BFSP2: variants seen among roughly 807,000 people sequenced by gnomAD.
BFSP2 encodes the protein beaded filament structural protein 2.
Under a neutral mutation model 44.9 loss-of-function variants are expected in BFSP2, and 38 were observed. That is an observed-to-expected ratio of 0.85 (90% CI 0.65 to 1.11). The LOEUF (loss-of-function observed/expected upper bound fraction) is 1.11. Among genes scored for constraint, BFSP2 ranks in the 50% least tolerant of loss-of-function variants. BFSP2 has a pLI of 0.00. For missense variants in BFSP2, 525 were observed against 533.0 expected (o/e 0.99, Z 0.15); for synonymous variants, 197 against 209.9 (o/e 0.94, Z 0.53).
rs190941060 is a variant in BFSP2, at chr3:133,472,333, G to T, written c.1024-12G>T. 6.2e-6 allele frequency: 10 copies of T among 1,606,392 alleles called. No homozygotes were observed. The highest frequency in any genetic ancestry group is 1.1e-5 in the South Asian group (1 of 90,630). Reference sequence around the variant, plus strand: ...TTGTCCTCGGGTTTGGACCGGGTTCGCTCTTTTGTAGAAACGAGGCCTGGA... The same window carrying T: ...TTGTCCTCGGGTTTGGACCGGGTTCTCTCTTTTGTAGAAACGAGGCCTGGA... On this transcript the variant is annotated splice_polypyrimidine_tract_variant and intron_variant, in intron 5 of 6. Transcript: ENST00000302334.
chr3:133,421,836 T>C lies in BFSP2; in HGVS notation c.489+21264T>C, dbSNP rs1011932493. ...TTAAATTCCACATCCTGGCTGGGCG[T>C]GGTGGCTCACGCCCGTAATCCCAGC... On this transcript the variant is annotated intron_variant, in intron 1 of 6. Transcript: ENST00000302334. Among the ~76,000 whole-genome samples, 10 of 152,234 alleles carry C rather than the reference T, an allele frequency of 6.6e-5. No individual in the cohort carries two copies. The East Asian group carries it at 1.2e-3, about 18-fold the overall frequency.
intron 4 of BFSP2, among the ~76,000 whole-genome samples, chr3:133,460,622 C>T (rs969205568): frequency 6.6e-6 from 1 of 152,040 alleles, no homozygotes; most frequent in Non-Finnish European, 1.5e-5. Flanking sequence ...GGCCTTTGTC[C>T]CCGGGGGGCT....
intron 1 of BFSP2, among the ~76,000 whole-genome samples, chr3:133,436,874 C>T (rs1354603663): frequency 6.6e-6 from 1 of 152,144 alleles, no homozygotes; most frequent in Admixed American, 6.5e-5. Flanking sequence ...TCTGTCCTTG[C>T]AATAGTTTGC....
At chr3:133,426,007 AGGAAGGGAAGGGAAGG>A (rs2073650573) in intron 1 of BFSP2, among the ~76,000 whole-genome samples, 1 of 2,290 alleles carries the variant, frequency 4.4e-4, no homozygotes, top group African/African-American at 2.6e-3. Context: ...GGGCAGGGAA[AGGAAGGGAAGGGAAGG>A]GAAGGGAAGG....
At chr3:133,452,345 C>T (rs1269991878) in intron 4 of BFSP2, among the ~76,000 whole-genome samples, 2 of 152,194 alleles carry the variant, frequency 1.3e-5, no homozygotes, top group East Asian at 3.8e-4. Flanking sequence ...TCTCCAACCC[C>T]TACCCCGTTT....
At position 133,475,181 on chromosome 3, in the gene BFSP2, C is replaced by T. The variant is rs150374124; in HGVS notation, c.*209C>T. 1.1e-4 allele frequency: 77 copies of T among 676,246 alleles called. No individual in the cohort carries two copies. The East Asian group carries it at 2.0e-3, about 18-fold the overall frequency. 41.9% of individuals were successfully genotyped at this position (676,246 alleles called of 1,614,324 possible). ...TTGAGCAATCTCCCTTGTCCTCCTT[C>T]AAATAAATGCTTTGTGCGCAGCGTC... On this transcript the variant is annotated 3_prime_UTR_variant, in exon 7 of 7. Transcript: ENST00000302334.
chr3:133,473,385 TC>T (rs1263067931), intron 6 of BFSP2, among the ~76,000 whole-genome samples: 1 of 125,436 alleles, frequency 8.0e-6, no homozygotes, highest in South Asian at 2.7e-4. Context: ...CAGCCACAGA[TC>T]CAAACATCAC....
Position 133,450,417 on chromosome 3 carries a change from G to C in BFSP2, c.844G>C (p.Asp282His). Reference protein sequence around the residue: ...LETIRIQWERDVEKNRVEAGA... With the variant: ...LETIRIQWERHVEKNRVEAGA... ...GACGATCAGAATTCAGTGGGAGAGA[G>C]ATGTTGAAAAGAACCGGGTGGAGGC... The change falls in exon 4 of 7, where the codon GAT (aspartate) becomes CAT (histidine). Residue 282 changes from aspartate to histidine, a missense_variant. By Grantham distance (81) the Asp-to-His change is moderately conservative (BLOSUM62 -1). Coordinates refer to ENST00000302334, the MANE Select transcript of BFSP2 (RefSeq NM_003571.4). 6.2e-7 allele frequency: 1 copy of C among 1,614,124 alleles called. No individual in the cohort carries two copies. The highest frequency in any genetic ancestry group is 8.5e-7 in the Non-Finnish European group (1 of 1,180,004).
At chr3:133,434,239 T>C (rs2073758472) in intron 1 of BFSP2, among the ~76,000 whole-genome samples, 1 of 152,200 alleles carries the variant, frequency 6.6e-6, no homozygotes, top group Admixed American at 6.5e-5. Flanking sequence ...GTTTTTCTCC[T>C]TCTCTTATTC....
chr3:133,423,702 TA>T (rs915557864), intron 1 of BFSP2, among the ~76,000 whole-genome samples: 10 of 152,244 alleles, frequency 6.6e-5, no homozygotes, highest in Non-Finnish European at 1.3e-4. Flanking sequence ...CCCTTTGAGA[TA>T]GGGGTGTCCC....
chr3:133,473,438 CAAAAAA>C (rs748691333), intron 6 of BFSP2, among the ~76,000 whole-genome samples: 33 of 73,124 alleles, frequency 4.5e-4, no homozygotes, highest in South Asian at 2.2e-3. Flanking sequence ...GAGGCAGCAG[CAAAAAA>C]AAAAAAAAAA....
intron 1 of BFSP2, among the ~76,000 whole-genome samples, chr3:133,426,625 C>T (rs774042099): frequency 6.6e-6 from 1 of 152,212 alleles, no homozygotes; most frequent in Non-Finnish European, 1.5e-5. Flanking sequence ...GACAAGCCAT[C>T]AAACTTCCAT....
intron 1 of BFSP2, among the ~76,000 whole-genome samples, chr3:133,419,747 C>T (rs2073575883): frequency 6.6e-6 from 1 of 152,246 alleles, no homozygotes; most frequent in South Asian, 2.1e-4. Flanking sequence ...AGTTTAATAG[C>T]TTTGCTGCTG....
At chr3:133,441,524 T>C (rs928236221) in intron 1 of BFSP2, among the ~76,000 whole-genome samples, 10 of 152,038 alleles carry the variant, frequency 6.6e-5, no homozygotes, top group African/African-American at 2.2e-4. Context: ...GTTTTTGACT[T>C]GGGGGATGAG....
At chr3:133,465,555 A>G (rs1215999146) in intron 4 of BFSP2, among the ~76,000 whole-genome samples, 1 of 152,144 alleles carries the variant, frequency 6.6e-6, no homozygotes, top group African/African-American at 2.4e-5. Flanking sequence ...CCCTGAATAT[A>G]TGGGGAGGGA....
At chr3:133,429,829 T>C (rs2073691739) in intron 1 of BFSP2, 1 of 151,970 alleles carries the variant, frequency 6.6e-6, no homozygotes. Context: ...TATGTATACA[T>C]GTGCCATGTT....
chr3:133,414,624 G>C (rs575602145), intron 1 of BFSP2, among the ~76,000 whole-genome samples: 1 of 62,354 alleles, frequency 1.6e-5, no homozygotes, highest in Non-Finnish European at 3.0e-5. Flanking sequence ...CTGCCATCTC[G>C]TCTCTACTCA....
intron 1 of BFSP2, among the ~76,000 whole-genome samples, chr3:133,432,467 G>A (rs1376035652): frequency 1.3e-5 from 2 of 152,134 alleles, no homozygotes; most frequent in African/African-American, 4.8e-5. Context: ...CAGCTTACCT[G>A]GGCTGTGCTG....
intron 1 of BFSP2, among the ~76,000 whole-genome samples, chr3:133,425,843 AGAAGGGAAAGGAAGG>A (rs1282695456): frequency 4.5e-4 from 57 of 125,966 alleles, no homozygotes; most frequent in African/African-American, 1.4e-3. Flanking sequence ...AGGGAAATAA[AGAAGGGAAAGGAAGG>A]GAAGGGAAGG....
Sources: allele counts gnomAD v4.1 joint callset (sites outside exome capture counted in the v4.1 genomes callset), GRCh38; gene constraint gnomAD v4.1.1; transcripts MANE v1.5; gene names NCBI Gene and HGNC (gene_info 2026-07-23, HGNC 2026-07-21).